TAS1R2: variants seen among roughly 807,000 people sequenced by gnomAD.
TAS1R2 encodes the protein taste receptor type 1 member 2.
TAS1R2 carries 47 observed loss-of-function variants against 49.3 expected under a neutral mutation model. That is an observed-to-expected ratio of 0.95 (90% CI 0.75 to 1.22). The LOEUF is 1.22. Ranked by LOEUF, TAS1R2 falls within the 50% of genes most tolerant of loss-of-function variation. The pLI is 0.00. For synonymous variants in TAS1R2, 479 were observed against 467.9 expected (o/e 1.02, Z -0.31); for missense variants, 1,155 against 1,122.1 (o/e 1.03, Z -0.42).
intron 5 of TAS1R2, among the ~76,000 whole-genome samples, chr1:18,841,056 C>T (rs190278452): frequency 6.6e-6 from 1 of 152,332 alleles, no homozygotes; most frequent in African/African-American, 2.4e-5. Context: ...TGCTCTGTGT[C>T]CTGTGCTCTG....
chr1:18,847,520 G>A (rs936127612), intron 4 of TAS1R2, among the ~76,000 whole-genome samples: 2 of 149,430 alleles, frequency 1.3e-5, no homozygotes, highest in African/African-American at 5.0e-5. Flanking sequence ...TGCTGTCGGG[G>A]ACTGGGGGGA....
chr1:18,849,567 GA>G lies in TAS1R2; in HGVS notation c.1258-18del, dbSNP rs1451864346. 1.9e-5 allele frequency: 30 copies of G among 1,613,126 alleles called. No individual in the cohort carries two copies. The highest frequency in any genetic ancestry group is 1.7e-4 in the Middle Eastern group (1 of 6,024). On this transcript the variant is annotated intron_variant, in intron 3 of 5. Coordinates refer to ENST00000375371, the Ensembl canonical transcript of TAS1R2. ...CTCAAGCAGCTGGCGGGGTCAGAGG[GA>G]AGGGAAGTGGAGCTAGCATCAGAAT... is the stretch of plus-strand genomic sequence containing the variant.
At chr1:18,856,227 T>C (rs1460842964) in intron 2 of TAS1R2, among the ~76,000 whole-genome samples, 4 of 152,188 alleles carry the variant, frequency 2.6e-5, no homozygotes, top group African/African-American at 9.7e-5. Flanking sequence ...TCCGCAAACA[T>C]ACCAGGCACC....
At chr1:18,840,503 G>A (rs199701205) in exon 6 of TAS1R2, 18 of 1,614,022 alleles carry the variant, frequency 1.1e-5, no homozygotes, top group Admixed American at 1.7e-5. Flanking sequence ...CTCGTTATTC[G>A]GGCAGGCCTG....
intron 4 of TAS1R2, among the ~76,000 whole-genome samples, chr1:18,844,759 AAAGAAGAAG>A (rs71027402): frequency 6.0e-5 from 9 of 149,734 alleles, no homozygotes; most frequent in Admixed American, 2.0e-4. Context: ...CTCAGAAAAA[AAAGAAGAAG>A]AAGAAGAAGA....
chr1:18,849,484 C>T (rs1380949290), exon 4 of TAS1R2: 5 of 1,614,250 alleles, frequency 3.1e-6, no homozygotes, highest in Non-Finnish European at 2.5e-6. Context: ...GCCACGTCCC[C>T]TTGCGGGTCG....
At position 18,839,958 on chromosome 1, in the gene TAS1R2, T is replaced by C. The variant is rs1042711980; in HGVS notation, c.2161A>G (p.Asn721Asp). The change falls in exon 6 of 6, where the codon AAC becomes GAC. Residue 721 changes from asparagine (N) to aspartate (D), a missense_variant. Physicochemically the swap from Asn to Asp is conservative, Grantham distance 23. Transcript: ENST00000375371. ...AGCAGGCTGTTGCGGTAGTTGGGGT[T>C]ACAGGAGACAATTGTGATCTTGGGG... 5.6e-6 allele frequency: 9 copies of C among 1,614,098 alleles called. No homozygotes were observed. In the South Asian group the frequency reaches 9.9e-5, roughly 18 times the overall value.
At chr1:18,855,122 T>C in intron 2 of TAS1R2, 136 bp from the exon 3 acceptor site, 1 of 1,068,410 alleles carries the variant, frequency 9.4e-7, no homozygotes, top group South Asian at 1.6e-5. Context: ...TACACCATCG[T>C]CAATCATCAT....
chr1:18,853,772 CTG>C (rs1369119996), intron 3 of TAS1R2, among the ~76,000 whole-genome samples: 3 of 152,286 alleles, frequency 2.0e-5, no homozygotes, highest in Admixed American at 2.0e-4. Context: ...TGGGAGGTCT[CTG>C]TGTGTGCCTG....
intron 4 of TAS1R2, among the ~76,000 whole-genome samples, chr1:18,845,725 G>A (rs1933908574): frequency 1.3e-5 from 2 of 152,180 alleles, no homozygotes; most frequent in South Asian, 2.1e-4. Flanking sequence ...GGACTCACCA[G>A]GCAACCCTGG....
intron 5 of TAS1R2, among the ~76,000 whole-genome samples, chr1:18,841,305 C>G (rs1333308045): frequency 6.6e-6 from 1 of 152,230 alleles, no homozygotes; most frequent in African/African-American, 2.4e-5. Flanking sequence ...TTGAGCTACG[C>G]TAGGCACTTG....
chr1:18,859,379 A>G (rs1934199866), intron 1 of TAS1R2, 100 bp downstream of exon 1: 8 of 1,415,180 alleles, frequency 5.7e-6, no homozygotes, highest in Non-Finnish European at 7.9e-6. Flanking sequence ...GGAGTGCTTT[A>G]AGCCCTTGGT....
At chr1:18,856,647 A>C (rs951279640) in intron 2 of TAS1R2, among the ~76,000 whole-genome samples, 3 of 152,244 alleles carry the variant, frequency 2.0e-5, no homozygotes, top group African/African-American at 7.2e-5. Flanking sequence ...GAAAGAATGA[A>C]TTCAGTCCTC....
chr1:18,852,769 T>C (rs553897131), intron 3 of TAS1R2, among the ~76,000 whole-genome samples: 5 of 152,216 alleles, frequency 3.3e-5, no homozygotes, highest in Non-Finnish European at 7.3e-5. Flanking sequence ...CAGTGCCTGT[T>C]CACTCCCTAC....
chr1:18,852,940 C>T (rs1236606677), intron 3 of TAS1R2, among the ~76,000 whole-genome samples: 2 of 152,228 alleles, frequency 1.3e-5, no homozygotes, highest in Non-Finnish European at 2.9e-5. Flanking sequence ...ATAGTAGGTG[C>T]TCAACAAAAG....
At chr1:18,852,632 C>T (rs188179921) in intron 3 of TAS1R2, among the ~76,000 whole-genome samples, 4 of 152,154 alleles carry the variant, frequency 2.6e-5, no homozygotes, top group African/African-American at 4.8e-5. Context: ...TAGACAAAGC[C>T]GCCTCTCCTT....
chr1:18,854,479 G>A lies in TAS1R2; in HGVS notation c.991C>T (p.Pro331Ser), dbSNP rs1451694661. ...CGGAACTCACTGAAGCCCGGGATGG[G>A]CACGCTCTGGATGGTGATGCCCAGG... The change falls in exon 3 of 6, where the codon CCC (proline) becomes TCC (serine). Residue 331 changes from proline (P) to serine (S), a missense_variant. Pro to Ser is a moderately conservative substitution (Grantham distance 74). Transcript: ENST00000375371. The surrounding 1 kb of genome is among the most constrained non-coding windows in gnomAD (Gnocchi z 4.9). 1.2e-6 allele frequency: 2 copies of A among 1,614,116 alleles called. No individual in the cohort carries two copies. The highest frequency in any genetic ancestry group is 4.5e-5 in the East Asian group (2 of 44,884).
chr1:18,859,610 G>C, exon 1 of TAS1R2: 2 of 1,614,234 alleles, frequency 1.2e-6, no homozygotes, highest in South Asian at 2.2e-5. Context: ...GCTCAGCCAG[G>C]ACCCATAGGA....
At chr1:18,857,696 A>C (rs1569682081) in intron 1 of TAS1R2, 65 bp from the exon 2 acceptor site, 1 of 1,530,168 alleles carries the variant, frequency 6.5e-7, no homozygotes. Context: ...AGATAAGAGA[A>C]CCAGCCCACT....
Sources: allele counts gnomAD v4.1 joint callset (sites outside exome capture counted in the v4.1 genomes callset), GRCh38; gene constraint gnomAD v4.1.1; non-coding constraint Gnocchi (gnomAD v3.1); transcripts MANE v1.5; gene names NCBI Gene and HGNC (gene_info 2026-07-23, HGNC 2026-07-21).